The following H1-8 variants were observed in gnomAD, a reference collection of about 807,000 sequenced individuals.
The protein encoded by H1-8 is H1.8 linker histone.
Under a neutral mutation model 19.5 loss-of-function variants are expected in H1-8, and 13 were observed. That is an observed-to-expected ratio of 0.67 (90% confidence interval 0.43 to 1.06). The LOEUF is 1.06. H1-8 is among the 50% of genes least tolerant of loss of function. The pLI, the probability that H1-8 is intolerant of heterozygous loss-of-function variation, is 0.00. For synonymous variants in H1-8, 193 were observed against 187.6 expected (o/e 1.03, Z -0.24); for missense variants, 432 against 459.8 (o/e 0.94, Z 0.55).
At chr3:129,551,050 A>G in intron 4 of H1-8, 57 bp from the exon 5 acceptor site, 1 of 1,487,668 alleles carries the variant, frequency 6.7e-7, no homozygotes, top group Non-Finnish European at 9.2e-7. Context: ...AGCCACCCAG[A>G]GCTGGGATTT....
chr3:129,548,221 C>A, intron 2 of H1-8: 1 of 536,354 alleles, frequency 1.9e-6, no homozygotes, highest in Non-Finnish European at 2.4e-6. Context: ...GGGTCCCCTG[C>A]ATCTTGCCTA....
At chr3:129,547,324 G>A (rs1198262005) in intron 1 of H1-8, 67 bp from the exon 2 acceptor site, 76 of 1,432,380 alleles carry the variant, frequency 5.3e-5, no homozygotes, top group Middle Eastern at 4.0e-4. Context: ...CACCCCCCAC[G>A]GGCCAGCTGA....
chr3:129,547,549 CACAAGTACCCA>C lies in H1-8; in HGVS notation c.251_261del (p.Lys84SerfsTer64), dbSNP rs1470391687. The C allele has an allele frequency of 1.3e-6, 2 of 1,577,366 alleles. No homozygotes were observed. Among genetic ancestry groups the C allele is most frequent in the East Asian group, 4.7e-5 (2 of 42,884 alleles). On this transcript the variant is annotated frameshift_variant, in exon 2 of 5. Transcript: ENST00000324382. LOFTEE classifies it high-confidence loss of function. Reference sequence around the variant, plus strand: ...GGCAGCTATCAAGCTCTACATCCTGCACAAGTACCCAACAGTGGACGTCCTCCGCTTCAAGT... The same window carrying C: ...GGCAGCTATCAAGCTCTACATCCTGCACAGTGGACGTCCTCCGCTTCAAGT...
chr3:129,543,814 G>GT (rs904482646), intron 1 of H1-8, among the ~76,000 whole-genome samples: 34 of 152,366 alleles, frequency 2.2e-4, no homozygotes, highest in African/African-American at 8.2e-4. Flanking sequence ...CCCATGGCTT[G>GT]TTGCTGTTTG....
At chr3:129,546,789 C>A (rs759568774) in intron 1 of H1-8, among the ~76,000 whole-genome samples, 1 of 152,222 alleles carries the variant, frequency 6.6e-6, no homozygotes, top group Non-Finnish European at 1.5e-5. Flanking sequence ...CCTGGAGAGT[C>A]TCTCAGTCTG....
intron 1 of H1-8, among the ~76,000 whole-genome samples, chr3:129,543,583 C>T (rs2084867362): frequency 6.6e-6 from 1 of 152,254 alleles, no homozygotes. Context: ...CAGGGCCTTC[C>T]AGCTGGAGCC....
At chr3:129,550,556 A>G (rs2084925619) in intron 3 of H1-8, among the ~76,000 whole-genome samples, 189 bp from the exon 4 acceptor site, 2 of 152,208 alleles carry the variant, frequency 1.3e-5, no homozygotes, top group Non-Finnish European at 2.9e-5. Context: ...TGTGAGGGGC[A>G]TGCTATTATT....
intron 1 of H1-8, among the ~76,000 whole-genome samples, chr3:129,544,856 G>A (rs1223071524): frequency 5.9e-5 from 9 of 151,990 alleles, no homozygotes. Flanking sequence ...GGCCTAGAGG[G>A]AAGAATGAAA....
intron 1 of H1-8, among the ~76,000 whole-genome samples, chr3:129,543,827 A>G (rs1428604839): frequency 6.6e-6 from 1 of 152,154 alleles, no homozygotes; most frequent in African/African-American, 2.4e-5. Context: ...GCTGTTTGCT[A>G]ATGTGATGTG....
intron 1 of H1-8, among the ~76,000 whole-genome samples, chr3:129,546,188 G>A (rs1687256328): frequency 6.6e-6 from 1 of 151,676 alleles, no homozygotes; most frequent in South Asian, 2.1e-4. Context: ...GCCAGGCGTG[G>A]TGGTGTGTGC....
At chr3:129,543,425 C>CCACCCAGCACCCACCCAGCACT in intron 1 of H1-8, 119 bp downstream of exon 1, 1 of 663,212 alleles carries the variant, frequency 1.5e-6, no homozygotes, top group South Asian at 1.8e-5. Flanking sequence ...TACCCAGCAC[C>CCACCCAGCACCCACCCAGCACT]CACCCAGCAC....
At position 129,543,233 on chromosome 3, in the gene H1-8, C is replaced by T. The variant is rs151204554; in HGVS notation, c.15C>T (p.Ser5=). Residue 5 remains serine (S), a synonymous_variant, in exon 1 of 5, where the codon AGC becomes AGT. Coordinates refer to ENST00000324382, the MANE Select transcript of H1-8 (RefSeq NM_153833.3). Reference sequence around the variant, plus strand: ...CTGTCGGTCTCATGGCTCCTGGGAGCGTCACCAGCGACATCTCACCCTCCT... The same window carrying T: ...CTGTCGGTCTCATGGCTCCTGGGAGTGTCACCAGCGACATCTCACCCTCCT... The part of the protein sequence containing the change: MAPG[S]VTSDISPSST... The T allele has an allele frequency of 1.6e-4, 257 of 1,612,932 alleles. 2 individuals carry two copies. Among genetic ancestry groups the T allele is most frequent in the Non-Finnish European group, 1.0e-4 (122 of 1,179,462 alleles).
In H1-8 at chr3:129,551,240, A is replaced by G. The variant is rs1257044370; in HGVS notation, c.941A>G (p.His314Arg). Residue 314 changes from histidine (H) to arginine (R), a missense_variant, in exon 5 of 5, where the codon CAT (histidine) becomes CGT (arginine). Transcript: ENST00000324382. ...AGTGGGTCCAAGGTGGTACCTGCAC[A>G]TTTGTCCAGGAAGACAGAGGCCCCC... ...KGSGSKVVPA[H>R]LSRKTEAPKG... The G allele has an allele frequency of 1.2e-6, 2 of 1,614,208 alleles. No individual in the cohort carries two copies. Among genetic ancestry groups the G allele is most frequent in the Admixed American group, 3.3e-5 (2 of 60,030 alleles).
Position 129,545,012 on chromosome 3 carries a change from A to G in H1-8, c.88+1706A>G, listed in dbSNP as rs141760193. Reference sequence around the variant, plus strand: ...CTCTTTATAATTTTGCTCTAGATCTAGAGTTTCATGGTTTTTTTTTTCTAT... The same window carrying G: ...CTCTTTATAATTTTGCTCTAGATCTGGAGTTTCATGGTTTTTTTTTTCTAT... On this transcript the variant is annotated intron_variant, in intron 1 of 4. Coordinates refer to ENST00000324382, the MANE Select transcript of H1-8 (RefSeq NM_153833.3). Among the ~76,000 whole-genome samples, 9 of 151,526 alleles carry G rather than the reference A, an allele frequency of 5.9e-5. No individual in the cohort carries two copies. The East Asian group carries it at 1.7e-3, about 29-fold the overall frequency.
intron 1 of H1-8, among the ~76,000 whole-genome samples, chr3:129,544,904 C>G (rs554745372): frequency 7.2e-4 from 110 of 152,194 alleles, no homozygotes; most frequent in Non-Finnish European, 1.4e-3. Context: ...ACTACACCAG[C>G]TCAACGCCTT....
In H1-8 at chr3:129,549,354, G is replaced by A. The variant is rs370238303; in HGVS notation, c.732G>A (p.Arg244=). The A allele has an allele frequency of 1.5e-5, 24 of 1,595,268 alleles. No homozygotes were observed. In the East Asian group the frequency reaches 2.7e-4, roughly 18 times the overall value. ...LSRKAKAKGS[R]SSQGDAEAYR... is the part of the protein sequence containing the mutation. ...GGAAGGCAAAGGCCAAAGGCAGCAG[G>A]AGCAGCCAAGGTAGTTGTGTGACTT... Residue 244 remains arginine, a synonymous_variant, in exon 3 of 5, where the codon AGG becomes AGA. Coordinates refer to ENST00000324382, the MANE Select transcript of H1-8 (RefSeq NM_153833.3).
chr3:129,543,744 G>A (rs887178676), intron 1 of H1-8, among the ~76,000 whole-genome samples: 5 of 152,188 alleles, frequency 3.3e-5, no homozygotes, highest in South Asian at 2.1e-4. Context: ...AGGGTGCACC[G>A]AGGCAAACCA....
At chr3:129,543,411 C>T (rs2084866071) in intron 1 of H1-8, 105 bp downstream of exon 1, 9 of 824,824 alleles carry the variant, frequency 1.1e-5, no homozygotes, top group South Asian at 7.9e-5. Flanking sequence ...CTGGCCCCAG[C>T]ACCTACCCAG....
At chr3:129,549,979 A>G (rs1050203297) in intron 3 of H1-8, among the ~76,000 whole-genome samples, 24 of 152,128 alleles carry the variant, frequency 1.6e-4, no homozygotes, top group African/African-American at 3.9e-4. Flanking sequence ...AAGAAGGTGG[A>G]GTATTTGAGG....
Sources: gnomAD v4.1 joint callset for allele counts (sites outside exome capture counted in the v4.1 genomes callset) on GRCh38, gnomAD v4.1.1 for gene constraint, MANE v1.5 for transcripts, NCBI Gene and HGNC (gene_info 2026-07-23, HGNC 2026-07-21) for gene names.